Variants in DGKB observed in about 807,000 individuals in gnomAD.
DGKB encodes diacylglycerol kinase beta.
A neutral mutation model predicts 114.3 loss-of-function variants in DGKB; 67 were observed. The observed-to-expected ratio is 0.59, with a 90% confidence interval of 0.48 to 0.72. The LOEUF is 0.72. Ranked by LOEUF, DGKB falls within the 30% of genes least tolerant of loss-of-function variation. The pLI, the probability that DGKB is intolerant of heterozygous loss-of-function variation, is 0.00. For missense variants in DGKB, 907 were observed against 975.2 expected (o/e 0.93, Z 0.93); for synonymous variants, 398 against 323.1 (o/e 1.23, Z -2.49).
At chr7:14,466,268 C>A (rs1265494484) in intron 21 of DGKB, among the ~76,000 whole-genome samples, 1 of 152,086 alleles carries the variant, frequency 6.6e-6, no homozygotes, top group Non-Finnish European at 1.5e-5. Context: ...CTTAAAATAG[C>A]AACATTAAGG....
At chr7:14,412,238 A>C (rs1160460038) in intron 21 of DGKB, among the ~76,000 whole-genome samples, 1 of 152,232 alleles carries the variant, frequency 6.6e-6, no homozygotes, top group Non-Finnish European at 1.5e-5. Flanking sequence ...GGTGATAAAA[A>C]GTAAGAGAAG....
At chr7:14,572,457 A>G (rs916500746) in intron 20 of DGKB, among the ~76,000 whole-genome samples, 33 of 151,450 alleles carry the variant, frequency 2.2e-4, no homozygotes, top group African/African-American at 8.1e-4. Flanking sequence ...ATCTCAAAAA[A>G]AAAGAAAAAA....
At chr7:14,402,146 TC>T (rs1823220218) in intron 21 of DGKB, among the ~76,000 whole-genome samples, 1 of 151,710 alleles carries the variant, frequency 6.6e-6, no homozygotes, top group African/African-American at 2.4e-5. Flanking sequence ...ATGAGATAGA[TC>T]TATTTCATTT....
intron 2 of DGKB, among the ~76,000 whole-genome samples, chr7:14,793,327 G>C (rs1160304687): frequency 6.6e-6 from 1 of 152,048 alleles, no homozygotes; most frequent in East Asian, 1.9e-4. Context: ...TGCCTGATTG[G>C]GTCATGCATT....
At chr7:14,277,173 T>A (rs1224656937) in intron 23 of DGKB, among the ~76,000 whole-genome samples, 3 of 62,554 alleles carry the variant, frequency 4.8e-5, no homozygotes, top group Non-Finnish European at 1.4e-4. Flanking sequence ...TTTTCTTAGT[T>A]TATTTTATTT....
In DGKB at chr7:14,580,906, A is replaced by G. The variant is rs1434824617; in HGVS notation, c.1565T>C (p.Leu522Pro). ...GKHPPVAILP[L>P]GTGNDLARCL... ...TCTTGCTAGATCATTGCCAGTCCCA[A>G]GAGGCAGAATCGCAACTGGAGGATG... Residue 522 changes from leucine to proline, a missense_variant, in exon 19 of 26, where the codon CTT (leucine) becomes CCT (proline). Around this residue, in one of 3 missense-constraint regions of DGKB, gnomAD observed 814 missense variants for 856.6 expected, o/e 0.95. Transcript: ENST00000402815. The G allele has an allele frequency of 2.5e-6, 4 of 1,604,912 alleles. No homozygotes were observed. In the African/African-American group the frequency reaches 5.3e-5, roughly 21 times the overall value.
chr7:14,498,270 T>C (rs1193006364), intron 20 of DGKB, among the ~76,000 whole-genome samples: 1 of 151,884 alleles, frequency 6.6e-6, no homozygotes. Flanking sequence ...CTCAAATCTG[T>C]TTAAATCTCA....
chr7:14,793,009 C>T (rs1285356364), intron 2 of DGKB, among the ~76,000 whole-genome samples: 2 of 152,000 alleles, frequency 1.3e-5, no homozygotes, highest in Non-Finnish European at 2.9e-5. Flanking sequence ...AAGATATACA[C>T]AGACAAAAAA....
intron 13 of DGKB, among the ~76,000 whole-genome samples, chr7:14,633,278 T>C (rs1450931928): frequency 6.6e-6 from 1 of 151,856 alleles, no homozygotes; most frequent in African/African-American, 2.4e-5. Context: ...AGTAGCAGGA[T>C]CAACCAAAAC....
Position 14,613,328 on chromosome 7 carries a change from C to T in DGKB, c.1358+12G>A. On this transcript the variant is annotated intron_variant, in intron 16 of 25. Coordinates refer to ENST00000402815, the MANE Select transcript of DGKB (RefSeq NM_001350709.2). ...ACATGACATAGACACTAAAATCAAT[C>T]AAAAAACATACCGTTCTCCTTGTTT... The T allele has an allele frequency of 6.5e-7, 1 of 1,538,262 alleles. No individual in the cohort carries two copies. Among genetic ancestry groups the T allele is most frequent in the Non-Finnish European group, 8.8e-7 (1 of 1,132,748 alleles).
chr7:14,272,273 C>G lies in DGKB; in HGVS notation c.2122+66242G>C, dbSNP rs573646430. On this transcript the variant is annotated intron_variant, in intron 23 of 25. Coordinates refer to ENST00000402815, the MANE Select transcript of DGKB (RefSeq NM_001350709.2). The stretch of plus-strand genomic sequence containing the variant: ...AAACATGTAAAATCTTTTAGCATCC[C>G]CAGTCAGGTAGGCAAGGTGTTTGTT... 9.2e-5 allele frequency among the ~76,000 whole-genome samples: 14 copies of G among 152,160 alleles called. No individual in the cohort carries two copies. The South Asian group carries it at 1.9e-3, about 20-fold the overall frequency.
chr7:14,946,485 G>T (rs955002567), intron 1 of DGKB, among the ~76,000 whole-genome samples: 3 of 151,488 alleles, frequency 2.0e-5, no homozygotes, highest in Non-Finnish European at 3.0e-5. Context: ...TATACACACA[G>T]CATATAGAAT....
intron 10 of DGKB, among the ~76,000 whole-genome samples, chr7:14,683,748 AAAT>A (rs1428869681): frequency 6.6e-6 from 1 of 152,102 alleles, no homozygotes; most frequent in Non-Finnish European, 1.5e-5. Flanking sequence ...CACTAAATCT[AAAT>A]AATATTTATA....
intron 20 of DGKB, among the ~76,000 whole-genome samples, chr7:14,526,782 C>A (rs1193316359): frequency 6.6e-6 from 1 of 152,018 alleles, no homozygotes; most frequent in Non-Finnish European, 1.5e-5. Context: ...GAATTCTAAA[C>A]CTCCATACAT....
intron 23 of DGKB, among the ~76,000 whole-genome samples, chr7:14,262,075 G>C (rs949892089): frequency 1.3e-5 from 2 of 152,164 alleles, no homozygotes; most frequent in African/African-American, 4.8e-5. Flanking sequence ...TCTTAGGTTA[G>C]GAGAAAGTAT....
intron 13 of DGKB, among the ~76,000 whole-genome samples, chr7:14,638,019 A>T: frequency 6.6e-6 from 1 of 152,124 alleles, no homozygotes; most frequent in Non-Finnish European, 1.5e-5. Context: ...TATATTTTAC[A>T]TGGAAAACTA....
intron 20 of DGKB, among the ~76,000 whole-genome samples, chr7:14,490,824 C>T (rs1784492993): frequency 2.0e-5 from 3 of 152,044 alleles, no homozygotes; most frequent in Non-Finnish European, 2.9e-5. Flanking sequence ...GCGATTTCTA[C>T]AAAATATTTC....
At position 14,607,482 on chromosome 7, in the gene DGKB, A is replaced by C; in HGVS notation, c.1385T>G (p.Leu462Ter). 6.3e-7 allele frequency: 1 copy of C among 1,585,438 alleles called. No homozygotes were observed. Among genetic ancestry groups the C allele is most frequent in the Non-Finnish European group, 8.7e-7 (1 of 1,156,044 alleles). Reference protein sequence around the residue: ...ERIYRKFQYLLNPRQVYSLSG... With the variant: ...ERIYRKFQYL ...AAGACTGTAAACCTGACGAGGATTT[A>C]ATAGATACTGGAATTTTCTGTAAAT... Residue 462 changes from leucine to a stop codon, truncating the protein, a stop_gained, in exon 17 of 26, where the codon TTA becomes TGA. Transcript: ENST00000402815. LOFTEE classifies it high-confidence loss of function.
intron 23 of DGKB, among the ~76,000 whole-genome samples, chr7:14,257,980 G>A (rs1218787786): frequency 3.3e-5 from 5 of 152,162 alleles, no homozygotes; most frequent in East Asian, 1.9e-4. Flanking sequence ...CACTTGCCTC[G>A]GCCTCCCAAA....
Sources: gnomAD v4.1 joint callset for allele counts (sites outside exome capture counted in the v4.1 genomes callset) on GRCh38, gnomAD v4.1.1 for gene constraint, gnomAD v4.1.1 regional missense constraint, MANE v1.5 for transcripts, NCBI Gene and HGNC (gene_info 2026-07-23, HGNC 2026-07-21) for gene names.